ANKRD17: variants seen among roughly 807,000 people sequenced by gnomAD.
The protein encoded by ANKRD17 is ankyrin repeat domain-containing protein 17.
ANKRD17 carries 19 observed loss-of-function variants against 229.7 expected under a neutral mutation model. The ratio of observed to expected loss-of-function variants is 0.08; its 90% CI spans 0.06 to 0.12. The LOEUF is 0.12. Ranked by LOEUF, ANKRD17 falls within the 10% of genes least tolerant of loss-of-function variation. The probability of loss-of-function intolerance (pLI) is 1.00; values close to 1 mark genes in which losing one functional copy is unlikely to be tolerated. For missense variants in ANKRD17, 2,176 were observed against 3,176.8 expected (o/e 0.68, Z 7.57); for synonymous variants, 1,112 against 1,146.1 (o/e 0.97, Z 0.60).
At chr4:73,104,463 T>C (rs1724375836) in intron 24 of ANKRD17, among the ~76,000 whole-genome samples, 1 of 151,776 alleles carries the variant, frequency 6.6e-6, no homozygotes, top group African/African-American at 2.4e-5. Context: ...AGAGGAGGAG[T>C]GAAAGCAAAG....
chr4:73,137,795 A>T (rs535796957), intron 15 of ANKRD17, among the ~76,000 whole-genome samples: 3 of 152,146 alleles, frequency 2.0e-5, no homozygotes, highest in Admixed American at 6.6e-5. Context: ...TGCACTTAAA[A>T]TTTTTTTATA....
intron 1 of ANKRD17, among the ~76,000 whole-genome samples, chr4:73,246,465 T>A (rs1420137977): frequency 2.0e-5 from 3 of 152,152 alleles, no homozygotes; most frequent in Non-Finnish European, 4.4e-5. Context: ...GGACTTTGAA[T>A]TGATTCTCTT....
At position 73,174,093 on chromosome 4, in the gene ANKRD17, A is replaced by AGAAGGAAGGAAGGAAGGAAGGAAGGAAG. The variant is rs71217453; in HGVS notation, c.547+3259_547+3286dup. ...GAAGGAAGGCGAGGGAAGGGAGGGG[A>AGAAGGAAGGAAGGAAGGAAGGAAGGAAG]GAAGGAAGGAAGGAAGGAAGGAAGG... On this transcript the variant is annotated intron_variant, in intron 2 of 33. Coordinates refer to ENST00000358602, the MANE Select transcript of ANKRD17 (RefSeq NM_032217.5). Among the ~76,000 whole-genome samples the AGAAGGAAGGAAGGAAGGAAGGAAGGAAG allele has an allele frequency of 9.8e-3, 1,094 of 111,270 alleles. 25 individuals carry two copies. Among genetic ancestry groups the AGAAGGAAGGAAGGAAGGAAGGAAGGAAG allele is most frequent in the South Asian group, 0.019 (51 of 2,650 alleles). 73.0% of individuals were successfully genotyped at this position (111,270 alleles called of 152,430 possible). A position where few individuals can be genotyped will look rare whatever the true frequency, so the allele number is the denominator to read the frequency against.
At chr4:73,198,448 T>C (rs1738195217) in intron 1 of ANKRD17, among the ~76,000 whole-genome samples, 1 of 152,206 alleles carries the variant, frequency 6.6e-6, no homozygotes. Flanking sequence ...ATAGGTCTAC[T>C]TGACACTCAA....
At chr4:73,194,280 T>G (rs1737540326) in intron 1 of ANKRD17, among the ~76,000 whole-genome samples, 1 of 152,218 alleles carries the variant, frequency 6.6e-6, no homozygotes, top group Non-Finnish European at 1.5e-5. Flanking sequence ...TTGCACATAG[T>G]GCCAAGGAAT....
chr4:73,120,015 A>G, intron 21 of ANKRD17, 147 bp downstream of exon 21: 1 of 816,154 alleles, frequency 1.2e-6, no homozygotes, highest in Non-Finnish European at 2.0e-6. Context: ...GGGTTGGAAA[A>G]CAATGGGTAG....
chr4:73,218,886 C>A (rs1387301538), intron 1 of ANKRD17, among the ~76,000 whole-genome samples: 2 of 152,026 alleles, frequency 1.3e-5, no homozygotes, highest in Non-Finnish European at 2.9e-5. Flanking sequence ...CATAGTGAAA[C>A]CCCGTCTCTA....
At position 73,258,709 on chromosome 4, in the gene ANKRD17, G is replaced by A; in HGVS notation, c.-41C>T. ...GAGGGCGCGGACGGGGGAGGGGCGT[G>A]GGGCTACGCTCTACCGCGACTTCGG... On this transcript the variant is annotated 5_prime_UTR_variant, in exon 1 of 34. Transcript: ENST00000358602. 2 of 1,410,360 alleles carry A rather than the reference G, an allele frequency of 1.4e-6. No homozygotes were observed. The highest frequency in any genetic ancestry group is 1.8e-6 in the Non-Finnish European group (2 of 1,093,644). 87.4% of individuals were successfully genotyped at this position (1,410,360 alleles called of 1,614,324 possible).
At chr4:73,256,547 C>T (rs993205147) in intron 1 of ANKRD17, among the ~76,000 whole-genome samples, 1 of 152,086 alleles carries the variant, frequency 6.6e-6, no homozygotes, top group African/African-American at 2.4e-5. Context: ...CATTAGAAAA[C>T]TTTGATTTGT....
chr4:73,204,305 G>C (rs1244251675), intron 1 of ANKRD17, among the ~76,000 whole-genome samples: 4 of 140,612 alleles, frequency 2.8e-5, no homozygotes, highest in African/African-American at 1.1e-4. Flanking sequence ...AGCTTGCAGT[G>C]AGCCGAGATC....
At chr4:73,200,733 C>A (rs1412984905) in intron 1 of ANKRD17, among the ~76,000 whole-genome samples, 3 of 151,722 alleles carry the variant, frequency 2.0e-5, no homozygotes, top group Admixed American at 2.0e-4. Flanking sequence ...AATCAGAATT[C>A]TTCTTTCCCA....
At position 73,094,198 on chromosome 4, in the gene ANKRD17, C is replaced by T. The variant is rs1165963380; in HGVS notation, c.5208G>A (p.Val1736=). Reference sequence around the variant, plus strand: ...CTCCTCTTCCAATCACTCTGGATATCACAGTTGATGGAACAGATACTTTCT... The same window carrying T: ...CTCCTCTTCCAATCACTCTGGATATTACAGTTGATGGAACAGATACTTTCT... ...RSKKVSVPST[V]ISRVIGRGGC... is the part of the protein sequence containing the mutation. The change falls in exon 28 of 34, where the codon GTG becomes GTA. Residue 1736 remains valine (V), a synonymous_variant. Coordinates refer to ENST00000358602, the MANE Select transcript of ANKRD17 (RefSeq NM_032217.5). 20 of 1,613,512 alleles carry T rather than the reference C, an allele frequency of 1.2e-5. No individual in the cohort carries two copies. The highest frequency in any genetic ancestry group is 1.7e-5 in the Non-Finnish European group (20 of 1,179,724).
intron 24 of ANKRD17, among the ~76,000 whole-genome samples, chr4:73,109,037 G>A (rs1578073572): frequency 1.3e-5 from 2 of 152,286 alleles, no homozygotes; most frequent in South Asian, 2.1e-4. Context: ...GATGGCTCAC[G>A]CCTGTTATTC....
intron 1 of ANKRD17, among the ~76,000 whole-genome samples, chr4:73,194,718 A>G (rs1432312143): frequency 6.6e-6 from 1 of 152,186 alleles, no homozygotes; most frequent in Non-Finnish European, 1.5e-5. Flanking sequence ...CAGCTGAAAC[A>G]TCTGGCTATC....
At chr4:73,184,805 G>T (rs1364663267) in intron 1 of ANKRD17, among the ~76,000 whole-genome samples, 2 of 152,152 alleles carry the variant, frequency 1.3e-5, no homozygotes, top group Non-Finnish European at 2.9e-5. Flanking sequence ...ATTGTGCAGA[G>T]AAATGAGAAA....
intron 1 of ANKRD17, among the ~76,000 whole-genome samples, chr4:73,191,459 A>C (rs1737097568): frequency 6.6e-6 from 1 of 150,778 alleles, no homozygotes; most frequent in South Asian, 2.1e-4. Context: ...ATAAGAGATT[A>C]TGTTGTTGCT....
chr4:73,146,584 G>C (rs1333133758), intron 10 of ANKRD17, among the ~76,000 whole-genome samples, 180 bp downstream of exon 10: 1 of 151,712 alleles, frequency 6.6e-6, no homozygotes, highest in Non-Finnish European at 1.5e-5. Context: ...CCCTATTAAG[G>C]ATGGACACTA....
In ANKRD17 at chr4:73,102,381, A is replaced by C; in HGVS notation, c.4568T>G (p.Val1523Gly). The C allele has an allele frequency of 6.3e-7, 1 of 1,581,092 alleles. No homozygotes were observed. Among genetic ancestry groups the C allele is most frequent in the Non-Finnish European group, 8.5e-7 (1 of 1,172,324 alleles). ...QAAQEKEKLK[V>G]EDEPEVLTEP... The stretch of plus-strand genomic sequence containing the variant: ...TGGTTGTTAAGAGAAAATACCTTCA[A>C]CTTTAAGCTTTTCTTTTTCTTGAGC... The change falls in exon 25 of 34, where the codon GTT becomes GGT. Residue 1523 changes from valine to glycine, a missense_variant. Transcript: ENST00000358602.
chr4:73,106,828 G>A (rs927854602), intron 24 of ANKRD17, among the ~76,000 whole-genome samples: 7 of 143,110 alleles, frequency 4.9e-5, no homozygotes, highest in Non-Finnish European at 9.0e-5. Context: ...GCAGTGAGCC[G>A]AGATTGCGCC....
Sources: allele counts gnomAD v4.1 joint callset (sites outside exome capture counted in the v4.1 genomes callset), GRCh38; gene constraint gnomAD v4.1.1; transcripts MANE v1.5; gene names NCBI Gene and HGNC (gene_info 2026-07-23, HGNC 2026-07-21).